CALN1: variants seen among roughly 807,000 people sequenced by gnomAD.
The protein encoded by CALN1 is calneuron 1.
Under a neutral mutation model 30.6 loss-of-function variants are expected in CALN1, and 17 were observed. That is an observed-to-expected ratio of 0.56 (90% CI 0.38 to 0.83). The LOEUF (loss-of-function observed/expected upper bound fraction) is 0.83. CALN1 is among the 40% of genes least tolerant of loss of function. The probability of loss-of-function intolerance (pLI) is 0.00; values close to 1 mark genes in which losing one functional copy is unlikely to be tolerated. For missense variants in CALN1, 291 were observed against 354.9 expected (o/e 0.82, Z 1.45); for synonymous variants, 156 against 131.4 (o/e 1.19, Z -1.28).
At chr7:72,171,892 T>C (rs993716162) in intron 3 of CALN1, among the ~76,000 whole-genome samples, 1 of 152,190 alleles carries the variant, frequency 6.6e-6, no homozygotes, top group African/African-American at 2.4e-5. Flanking sequence ...ACCTTTCAAG[T>C]AATGTGTCGC....
intron 6 of CALN1, among the ~76,000 whole-genome samples, chr7:71,809,500 T>C (rs1364011956): frequency 7.8e-6 from 1 of 128,060 alleles, no homozygotes; most frequent in African/African-American, 2.8e-5. Flanking sequence ...AAAAAAAATT[T>C]GACCTCCTTA....
At chr7:72,369,777 T>C (rs1804111286) in intron 2 of CALN1, among the ~76,000 whole-genome samples, 1 of 152,184 alleles carries the variant, frequency 6.6e-6, no homozygotes, top group African/African-American at 2.4e-5. Context: ...AGCATAATTA[T>C]TCTGAAATTC....
chr7:72,045,464 A>C (rs1802406052), intron 4 of CALN1, among the ~76,000 whole-genome samples: 1 of 152,198 alleles, frequency 6.6e-6, no homozygotes, highest in Non-Finnish European at 1.5e-5. Context: ...AAGAAGTTTC[A>C]GCACCTGCAA....
At chr7:71,940,305 T>C (rs548463226) in intron 5 of CALN1, among the ~76,000 whole-genome samples, 7 of 152,226 alleles carry the variant, frequency 4.6e-5, no homozygotes, top group African/African-American at 1.7e-4. Context: ...CAATCTGTTC[T>C]TCTGGGATGG....
chr7:72,028,199 TGCTTGCCAGC>T (rs1801214228), intron 4 of CALN1, among the ~76,000 whole-genome samples: 4 of 151,814 alleles, frequency 2.6e-5, no homozygotes, highest in Admixed American at 2.6e-4. Context: ...GCAAAACCCA[TGCTTGCCAGC>T]ACCAGGAGAA....
At chr7:72,218,449 AAAAAT>A (rs1048591489) in intron 3 of CALN1, among the ~76,000 whole-genome samples, 3 of 151,990 alleles carry the variant, frequency 2.0e-5, no homozygotes, top group South Asian at 2.1e-4. Flanking sequence ...CTCCATCTCA[AAAAAT>A]AAAATAAAAT....
chr7:72,489,925 G>A, the CALN1 span, among the ~76,000 whole-genome samples: 3 of 152,198 alleles, frequency 2.0e-5, no homozygotes, highest in African/African-American at 7.2e-5. Context: ...ACATATGGCT[G>A]GATCCTCATA....
intron 4 of CALN1, among the ~76,000 whole-genome samples, chr7:72,062,092 T>C (rs1176102168): frequency 1.3e-5 from 2 of 152,094 alleles, no homozygotes; most frequent in Admixed American, 6.6e-5. Flanking sequence ...GAATTCTACA[T>C]CCAGTGGAAA....
At chr7:71,877,724 G>A (rs896222881) in intron 5 of CALN1, among the ~76,000 whole-genome samples, 1 of 152,028 alleles carries the variant, frequency 6.6e-6, no homozygotes, top group African/African-American at 2.4e-5. Flanking sequence ...TTATCCTAAT[G>A]TTAATATATA....
At chr7:72,321,695 T>A (rs1229463250) in intron 2 of CALN1, among the ~76,000 whole-genome samples, 1 of 152,138 alleles carries the variant, frequency 6.6e-6, no homozygotes, top group African/African-American at 2.4e-5. Flanking sequence ...ATCACAGGTA[T>A]AATTAACTGT....
chr7:72,200,828 C>T (rs1791367705), intron 3 of CALN1, among the ~76,000 whole-genome samples: 6 of 152,210 alleles, frequency 3.9e-5, no homozygotes. Flanking sequence ...CTATATTATA[C>T]ACTGGGCTTG....
chr7:71,807,709 G>A (rs149248019), intron 6 of CALN1, among the ~76,000 whole-genome samples: 2,101 of 152,114 alleles, frequency 0.014, 18 homozygotes, highest in Non-Finnish European at 0.022. Flanking sequence ...GGATGCTGAG[G>A]AGGGGGAATC....
upstream of CALN1, among the ~76,000 whole-genome samples, chr7:72,447,518 T>C (rs141413498): frequency 6.6e-4 from 101 of 152,096 alleles, no homozygotes; most frequent in African/African-American, 2.3e-3. Flanking sequence ...GGGGCATCGG[T>C]GACACCCTCT....
At chr7:72,286,182 TC>T (rs749230189) in intron 2 of CALN1, among the ~76,000 whole-genome samples, 1 of 152,194 alleles carries the variant, frequency 6.6e-6, no homozygotes, top group Non-Finnish European at 1.5e-5. Context: ...CTCTTCTGTT[TC>T]AGGGACTTAG....
intron 5 of CALN1, among the ~76,000 whole-genome samples, chr7:71,857,057 T>TGTGC (rs1791002672): frequency 6.8e-6 from 1 of 147,894 alleles, no homozygotes; most frequent in Non-Finnish European, 1.5e-5. Context: ...TGTGTGTGTG[T>TGTGC]GTTGCAAACT....
upstream of CALN1, among the ~76,000 whole-genome samples, chr7:72,451,573 T>C (rs1413855393): frequency 6.6e-6 from 1 of 152,012 alleles, no homozygotes. Flanking sequence ...CCCTCATGTC[T>C]ACCTTGACCT....
At chr7:71,795,353 C>T (rs1786834385) in intron 6 of CALN1, among the ~76,000 whole-genome samples, 1 of 152,024 alleles carries the variant, frequency 6.6e-6, no homozygotes, top group Admixed American at 6.6e-5. Flanking sequence ...GGGGCCCAGC[C>T]CAAACTTTTC....
chr7:72,237,938 A>G (rs1036120985), intron 3 of CALN1, among the ~76,000 whole-genome samples: 1 of 152,232 alleles, frequency 6.6e-6, no homozygotes. Context: ...CAGCAAATGC[A>G]TAAAGGACAA....
intron 3 of CALN1, among the ~76,000 whole-genome samples, chr7:72,139,263 GCC>G (rs1809717951): frequency 6.6e-6 from 1 of 152,004 alleles, no homozygotes; most frequent in African/African-American, 2.4e-5. Context: ...AAGCACCTCA[GCC>G]CCATGCCTAC....
Sources: gnomAD v4.1 joint callset for allele counts (sites outside exome capture counted in the v4.1 genomes callset) on GRCh38, gnomAD v4.1.1 for gene constraint, MANE v1.5 for transcripts, NCBI Gene and HGNC (gene_info 2026-07-23, HGNC 2026-07-21) for gene names.